LRRTM4: variants seen among roughly 807,000 people sequenced by gnomAD.
LRRTM4 encodes leucine-rich repeat transmembrane neuronal protein 4.
Under a neutral mutation model 47.6 loss-of-function variants are expected in LRRTM4, and 25 were observed. The ratio of observed to expected loss-of-function variants is 0.53; its 90% CI spans 0.38 to 0.73. The LOEUF (loss-of-function observed/expected upper bound fraction) is 0.73, where lower values mean the gene tolerates loss of function less well. Ranked by LOEUF, LRRTM4 falls within the 30% of genes least tolerant of loss-of-function variation. The pLI is 0.00. For missense variants in LRRTM4, 638 were observed against 713.4 expected, an observed-to-expected ratio of 0.89 and a Z score of 1.20; for synonymous variants, 311 against 269.5, an observed-to-expected ratio of 1.15 and a Z score of -1.51.
At chr2:77,397,086 A>G (rs1454302366) in intron 3 of LRRTM4, among the ~76,000 whole-genome samples, 1 of 151,912 alleles carries the variant, frequency 6.6e-6, no homozygotes, top group Non-Finnish European at 1.5e-5. Context: ...ATAATAATAT[A>G]TACAATTTCA....
intron 3 of LRRTM4, among the ~76,000 whole-genome samples, chr2:77,288,600 T>C (rs1676728236): frequency 6.6e-6 from 1 of 152,092 alleles, no homozygotes; most frequent in Non-Finnish European, 1.5e-5. Context: ...TTGCATTTTA[T>C]CTATAAAGAT....
Position 76,767,623 on chromosome 2 carries a change from T to G in LRRTM4, c.1552-18707A>C, listed in dbSNP as rs150109869. On this transcript the variant is annotated intron_variant, in intron 3 of 3. Transcript: ENST00000409884. ...CCAAGTGTGAATCACAAACAGATTT[T>G]CAGGGTAGCATTCAAGGCAAGTCTT... is the stretch of plus-strand genomic sequence containing the variant. Among the ~76,000 whole-genome samples, 5 of 152,306 alleles carry G rather than the reference T, an allele frequency of 3.3e-5. No individual in the cohort carries two copies. The East Asian group carries it at 7.7e-4, about 24-fold the overall frequency.
In LRRTM4 at chr2:76,818,740, C is replaced by A. The variant is rs533421641; in HGVS notation, c.1552-69824G>T. ...ACCCACACATGCAGACACATGCACA[C>A]AAACATAAAAGCAGCAATACATGTT... is the stretch of plus-strand genomic sequence containing the variant. On this transcript the variant is annotated intron_variant, in intron 3 of 3. Transcript: ENST00000409884. Among the ~76,000 whole-genome samples, 6 of 151,748 alleles carry A rather than the reference C, an allele frequency of 4.0e-5. No homozygotes were observed. In the South Asian group the frequency reaches 8.3e-4, roughly 21 times the overall value.
intron 3 of LRRTM4, among the ~76,000 whole-genome samples, chr2:77,379,524 T>C (rs1672968914): frequency 6.6e-6 from 1 of 152,122 alleles, no homozygotes; most frequent in East Asian, 1.9e-4. Flanking sequence ...TCAATCTCCC[T>C]CACTAGTTTC....
intron 3 of LRRTM4, among the ~76,000 whole-genome samples, chr2:76,980,872 T>C (rs962761878): frequency 2.0e-5 from 3 of 152,084 alleles, no homozygotes; most frequent in African/African-American, 7.2e-5. Context: ...ATATTTTAAA[T>C]AGATCTTTAA....
At chr2:77,253,859 G>GA (rs1675689317) in intron 3 of LRRTM4, among the ~76,000 whole-genome samples, 1 of 152,062 alleles carries the variant, frequency 6.6e-6, no homozygotes, top group Non-Finnish European at 1.5e-5. Flanking sequence ...AAAGCCTCAG[G>GA]AATCTGTGGG....
intron 3 of LRRTM4, among the ~76,000 whole-genome samples, chr2:76,788,024 G>C (rs151247075): frequency 0.022 from 3,325 of 152,156 alleles, 53 homozygotes; most frequent in Non-Finnish European, 0.038. Context: ...AAAACAATTA[G>C]AACCTTCTCT....
chr2:76,987,868 A>G (rs1457080079), intron 3 of LRRTM4, among the ~76,000 whole-genome samples: 2 of 151,864 alleles, frequency 1.3e-5, no homozygotes, highest in Non-Finnish European at 1.5e-5. Flanking sequence ...GCCAGGAAAT[A>G]TAGTCACCCA....
chr2:77,512,782 G>T (rs1476050938), intron 3 of LRRTM4, among the ~76,000 whole-genome samples: 1 of 152,098 alleles, frequency 6.6e-6, no homozygotes, highest in African/African-American at 2.4e-5. Context: ...TATTATTGGG[G>T]TGTGTCAAAA....
chr2:77,511,125 C>T (rs912923518), intron 3 of LRRTM4, among the ~76,000 whole-genome samples: 5 of 151,984 alleles, frequency 3.3e-5, no homozygotes, highest in African/African-American at 1.2e-4. Context: ...ATTTGGAAAA[C>T]AATCATACCA....
At chr2:77,282,674 C>T (rs1205362405) in intron 3 of LRRTM4, among the ~76,000 whole-genome samples, 1 of 151,624 alleles carries the variant, frequency 6.6e-6, no homozygotes, top group African/African-American at 2.4e-5. Context: ...GAATAGAAAA[C>T]CCGGAAAATA....
intron 3 of LRRTM4, among the ~76,000 whole-genome samples, chr2:76,984,107 A>G (rs1284548681): frequency 6.6e-6 from 1 of 152,028 alleles, no homozygotes; most frequent in African/African-American, 2.4e-5. Flanking sequence ...TGAAACTTGT[A>G]TGTTAAAATG....
At chr2:76,961,641 C>T (rs902659026) in intron 3 of LRRTM4, among the ~76,000 whole-genome samples, 6 of 151,202 alleles carry the variant, frequency 4.0e-5, no homozygotes, top group African/African-American at 1.5e-4. Flanking sequence ...GTTAGATTCC[C>T]AGGGCTACTA....
intron 3 of LRRTM4, among the ~76,000 whole-genome samples, chr2:77,174,949 G>A (rs1364662118): frequency 1.3e-5 from 2 of 152,080 alleles, no homozygotes; most frequent in Non-Finnish European, 2.9e-5. Flanking sequence ...GAGCAGGGAA[G>A]TACATTTCAA....
chr2:76,749,027 G>C, intron 3 of LRRTM4, 111 bp from the exon 4 acceptor site: 1 of 768,394 alleles, frequency 1.3e-6, no homozygotes, highest in South Asian at 1.8e-5. Flanking sequence ...CAAGTCATCA[G>C]CTACAAATTC....
At chr2:77,139,279 A>G (rs1436694045) in intron 3 of LRRTM4, among the ~76,000 whole-genome samples, 2 of 152,210 alleles carry the variant, frequency 1.3e-5, no homozygotes, top group African/African-American at 4.8e-5. Context: ...ATCCACCATG[A>G]TATAGTGGGC....
intron 3 of LRRTM4, among the ~76,000 whole-genome samples, chr2:77,486,758 G>A (rs1558766280): frequency 1.3e-5 from 2 of 152,136 alleles, no homozygotes; most frequent in Non-Finnish European, 2.9e-5. Context: ...TTAACTAAGT[G>A]CACTGTTAGG....
intron 3 of LRRTM4, among the ~76,000 whole-genome samples, chr2:76,851,367 T>C (rs1255275584): frequency 6.6e-6 from 1 of 152,214 alleles, no homozygotes; most frequent in Admixed American, 6.6e-5. Context: ...GTAGCTAATG[T>C]ACTGAAATAG....
chr2:77,116,658 A>T (rs1382602369), intron 3 of LRRTM4, among the ~76,000 whole-genome samples: 4 of 152,180 alleles, frequency 2.6e-5, no homozygotes, highest in Non-Finnish European at 5.9e-5. Flanking sequence ...AGTCATCCAG[A>T]GCCTGACAAG....
Sources: allele counts gnomAD v4.1 joint callset (sites outside exome capture counted in the v4.1 genomes callset), GRCh38; gene constraint gnomAD v4.1.1; transcripts MANE v1.5; gene names NCBI Gene and HGNC (gene_info 2026-07-23, HGNC 2026-07-21).